The following SLC2A9 variants were observed in gnomAD, a reference collection of about 807,000 sequenced individuals.
SLC2A9 encodes solute carrier family 2, facilitated glucose transporter member 9.
SLC2A9 carries 39 observed loss-of-function variants against 50.6 expected under a neutral mutation model. The ratio of observed to expected loss-of-function variants is 0.77; its 90% CI spans 0.60 to 1.01. The LOEUF (loss-of-function observed/expected upper bound fraction) is 1.01. Among genes scored for constraint, SLC2A9 ranks in the 50% least tolerant of loss-of-function variants. SLC2A9 has a pLI of 0.00. For synonymous variants in SLC2A9, 324 were observed against 276.9 expected, an observed-to-expected ratio of 1.17 and a Z score of -1.69; for missense variants, 686 against 677.6, an observed-to-expected ratio of 1.01 and a Z score of -0.14.
At chr4:9,783,717 G>A (rs1718841078) in intron 3 of SLC2A9, 1 of 432,842 alleles carries the variant, frequency 2.3e-6, no homozygotes, top group Non-Finnish European at 4.2e-6. Flanking sequence ...AAGAGAGTAT[G>A]GTGCTGGGTC....
At chr4:9,996,183 G>A (rs543669609) in intron 3 of SLC2A9, among the ~76,000 whole-genome samples, 2 of 152,330 alleles carry the variant, frequency 1.3e-5, no homozygotes, top group Admixed American at 1.3e-4. Context: ...TAAATGATCT[G>A]AAATGACCTA....
chr4:9,998,854 G>A (rs1380282664), intron 2 of SLC2A9, among the ~76,000 whole-genome samples: 1 of 152,124 alleles, frequency 6.6e-6, no homozygotes, highest in Non-Finnish European at 1.5e-5. Context: ...ACACACATGG[G>A]AAAACCTGGC....
At chr4:9,955,599 T>A (rs946379620) in intron 5 of SLC2A9, among the ~76,000 whole-genome samples, 1 of 152,098 alleles carries the variant, frequency 6.6e-6, no homozygotes, top group Non-Finnish European at 1.5e-5. Flanking sequence ...TTACTTCCTT[T>A]CATTCCTGCT....
chr4:9,897,782 C>T (rs778689688), intron 8 of SLC2A9, among the ~76,000 whole-genome samples: 20 of 151,948 alleles, frequency 1.3e-4, no homozygotes, highest in Non-Finnish European at 2.1e-4. Context: ...CGCAGCTACA[C>T]GGGAGGCTGA....
intron 6 of SLC2A9, among the ~76,000 whole-genome samples, chr4:9,928,444 G>C (rs1745301254): frequency 6.6e-6 from 1 of 152,206 alleles, no homozygotes; most frequent in Admixed American, 6.5e-5. Context: ...AAAACTCTTG[G>C]ATCTCAGCTG....
At chr4:9,794,295 C>G (rs1201472734), downstream of SLC2A9, among the ~76,000 whole-genome samples, 1 of 152,172 alleles carries the variant, frequency 6.6e-6, no homozygotes, top group Non-Finnish European at 1.5e-5. Flanking sequence ...GCTGGGATTA[C>G]AGGCACCCAC....
At chr4:9,997,526 C>G (rs780679867) in intron 2 of SLC2A9, among the ~76,000 whole-genome samples, 1 of 152,048 alleles carries the variant, frequency 6.6e-6, no homozygotes, top group Non-Finnish European at 1.5e-5. Context: ...ATGGTGAAAC[C>G]CTGTCTCTAC....
intron 10 of SLC2A9, among the ~76,000 whole-genome samples, chr4:9,859,423 C>T (rs1203648020): frequency 6.6e-6 from 1 of 152,186 alleles, no homozygotes; most frequent in African/African-American, 2.4e-5. Flanking sequence ...GTCTTATCTC[C>T]AATTTACAAA....
At position 10,020,944 on chromosome 4, in the gene SLC2A9, G is replaced by A. The variant is rs112126513; in HGVS notation, c.150+336C>T. ...CACGGGCAGAGGGTGCCCACTGACC[G>A]ACGGTGCTGCTGCCCGTGCCATGCC... On this transcript the variant is annotated intron_variant, in intron 1 of 11. Coordinates refer to ENST00000264784, the MANE Select transcript of SLC2A9 (RefSeq NM_020041.3). 4.8e-3 allele frequency among the ~76,000 whole-genome samples: 728 copies of A among 152,308 alleles called. 7 individuals are homozygous for A. Among genetic ancestry groups the A allele is most frequent in the African/African-American group, 0.016 (679 of 41,578 alleles).
chr4:9,811,292 C>G (rs1245448523), intron 3 of SLC2A9, among the ~76,000 whole-genome samples: 1 of 152,248 alleles, frequency 6.6e-6, no homozygotes, highest in Admixed American at 6.5e-5. Flanking sequence ...CTCTCATCAG[C>G]AGCTGAATTC....
chr4:9,861,591 G>T (rs1043209891), intron 10 of SLC2A9, among the ~76,000 whole-genome samples: 2 of 152,074 alleles, frequency 1.3e-5, no homozygotes, highest in Non-Finnish European at 2.9e-5. Flanking sequence ...TGTTTGTTTT[G>T]CTCCATGCAC....
At chr4:9,958,217 A>C (rs1751636595) in intron 5 of SLC2A9, among the ~76,000 whole-genome samples, 1 of 152,248 alleles carries the variant, frequency 6.6e-6, no homozygotes, top group Non-Finnish European at 1.5e-5. Context: ...ACATTTTTAG[A>C]CATGGAAAGT....
intron 10 of SLC2A9, among the ~76,000 whole-genome samples, chr4:9,837,019 C>T (rs996644290): frequency 6.6e-6 from 1 of 152,172 alleles, no homozygotes; most frequent in Non-Finnish European, 1.5e-5. Flanking sequence ...GACCTTTCAC[C>T]GTTATCACCC....
chr4:9,992,515 T>C (rs1757887894), intron 3 of SLC2A9, among the ~76,000 whole-genome samples: 1 of 152,258 alleles, frequency 6.6e-6, no homozygotes, highest in Non-Finnish European at 1.5e-5. Context: ...CATTGCCCTC[T>C]GGTTGAGAAC....
Position 9,908,475 on chromosome 4 carries a change from C to T in SLC2A9, c.1003-130G>A, listed in dbSNP as rs947970473. Reference sequence around the variant, plus strand: ...GTCCCAAGGTGGAGAGGCGTGGATGCTCATTTTTCATTTTCATCCCACCTT... The same window carrying T: ...GTCCCAAGGTGGAGAGGCGTGGATGTTCATTTTTCATTTTCATCCCACCTT... On this transcript the variant is annotated intron_variant, in intron 7 of 11. Coordinates refer to ENST00000264784, the MANE Select transcript of SLC2A9 (RefSeq NM_020041.3). The T allele has an allele frequency of 5.9e-6, 3 of 511,756 alleles. No homozygotes were observed. In the African/African-American group the frequency reaches 5.9e-5, roughly 10 times the overall value. The allele number at this position is 511,756 out of a possible 1,614,324, so 31.7% of individuals were successfully genotyped here.
intron 5 of SLC2A9, among the ~76,000 whole-genome samples, chr4:9,971,483 A>T (rs1753901514): frequency 6.6e-6 from 1 of 152,230 alleles, no homozygotes; most frequent in Non-Finnish European, 1.5e-5. Flanking sequence ...TTTTAGGTAG[A>T]TGTAGCCTGA....
rs996663647 is a variant in SLC2A9 at position 10,032,865 on chromosome 4, G to A, written c.-40-6859C>T. Among the ~76,000 whole-genome samples the A allele has an allele frequency of 7.2e-5, 11 of 152,278 alleles. No individual in the cohort carries two copies. The East Asian group carries it at 1.9e-3, about 27-fold the overall frequency. Reference sequence around the variant, plus strand: ...GGCATAGTGAGGTTGCAGTTCTGATGACCTAACCGTGACCATGGGCAAGTT... The same window carrying A: ...GGCATAGTGAGGTTGCAGTTCTGATAACCTAACCGTGACCATGGGCAAGTT... On this transcript the variant is annotated intron_variant, in intron 1 of 12. Coordinates refer to the SLC2A9 transcript ENST00000309065.
intron 2 of SLC2A9, among the ~76,000 whole-genome samples, chr4:9,998,151 G>A (rs1759062754): frequency 6.6e-6 from 1 of 152,186 alleles, no homozygotes; most frequent in Non-Finnish European, 1.5e-5. Context: ...GGGACTAGGT[G>A]ATTCTGATGT....
At chr4:9,960,096 G>GC (rs397948676) in intron 5 of SLC2A9, among the ~76,000 whole-genome samples, 1 of 1,864 alleles carries the variant, frequency 5.4e-4, no homozygotes, top group Non-Finnish European at 7.3e-4. Context: ...CGCAAGTCAA[G>GC]AAGTTATACA....
Sources: gnomAD v4.1 joint callset for allele counts (sites outside exome capture counted in the v4.1 genomes callset) on GRCh38, gnomAD v4.1.1 for gene constraint, MANE v1.5 for transcripts, NCBI Gene and HGNC (gene_info 2026-07-23, HGNC 2026-07-21) for gene names.